HTR3B: variants seen among roughly 807,000 people sequenced by gnomAD.
HTR3B encodes 5-hydroxytryptamine receptor 3B.
In HTR3B, 44 loss-of-function variants were observed where a neutral mutation model predicts 42.8. The observed-to-expected ratio is 1.03, with a 90% confidence interval of 0.81 to 1.32. The LOEUF is 1.32. Among genes scored for constraint, HTR3B ranks in the 40% most tolerant of loss-of-function variants. HTR3B has a pLI of 0.00. For synonymous variants in HTR3B, 203 were observed against 209.0 expected (o/e 0.97, Z 0.25); for missense variants, 527 against 536.5 (o/e 0.98, Z 0.17).
intron 7 of HTR3B, among the ~76,000 whole-genome samples, chr11:113,943,668 A>G (rs1015455698): frequency 2.0e-5 from 3 of 151,804 alleles, no homozygotes; most frequent in Non-Finnish European, 4.4e-5. Context: ...ATTTCAACCA[A>G]TTACCCAAAG....
intron 6 of HTR3B, 96 bp from the exon 7 acceptor site, chr11:113,942,886 T>C (rs906521145): frequency 1.3e-5 from 12 of 959,966 alleles, no homozygotes; most frequent in Admixed American, 4.0e-5. Flanking sequence ...TGCAAAAACG[T>C]TGGGTCTTCG....
chr11:113,900,695 G>A (rs1232907349), upstream of HTR3B, among the ~76,000 whole-genome samples: 1 of 152,096 alleles, frequency 6.6e-6, no homozygotes, highest in Non-Finnish European at 1.5e-5. Context: ...GTTTCACCAT[G>A]TTGGTCAGGC....
chr11:113,904,865 A>G lies in HTR3B; in HGVS notation c.-69A>G. ...GAACAGAGTGGAGAGGAACCCTGTT[A>G]GGAGAAATTGAGCGGCATTCCATCT... On this transcript the variant is annotated 5_prime_UTR_variant, in exon 1 of 9. Transcript: ENST00000260191. The G allele has an allele frequency of 8.3e-7, 1 of 1,204,858 alleles. No homozygotes were observed. The highest frequency in any genetic ancestry group is 1.2e-5 in the South Asian group (1 of 82,468). 74.6% of individuals were successfully genotyped at this position (1,204,858 alleles called of 1,614,324 possible). A position where few individuals can be genotyped will look rare whatever the true frequency, so the allele number is the denominator to read the frequency against.
Position 113,909,417 on chromosome 11 carries a change from GTC to G in HTR3B, c.177_178del (p.Tyr60ProfsTer30), listed in dbSNP as rs1949761519. 8 of 1,614,018 alleles carry G rather than the reference GTC, an allele frequency of 5.0e-6. No homozygotes were observed. The highest frequency in any genetic ancestry group is 6.8e-6 in the Non-Finnish European group (8 of 1,180,014). On this transcript the variant is annotated frameshift_variant, in exon 2 of 9. Transcript: ENST00000260191. LOFTEE classifies it high-confidence loss of function. ...TTACAACTGGACCAAGGCCACCACA[GTC>G]TACCTGGACCTGTTCGTCCATGCTA... ...PVYNWTKATT[V>X]YLDLFVHAIL...
At chr11:113,929,000 C>T (rs1454896545) in intron 2 of HTR3B, among the ~76,000 whole-genome samples, 1 of 152,104 alleles carries the variant, frequency 6.6e-6, no homozygotes, top group African/African-American at 2.4e-5. Context: ...CTGTCCAAGC[C>T]CCTGCTTTCA....
At chr11:113,945,454 C>G (rs1166594635) in intron 8 of HTR3B, among the ~76,000 whole-genome samples, 4 of 152,128 alleles carry the variant, frequency 2.6e-5, no homozygotes, top group Non-Finnish European at 5.9e-5. Context: ...TGTTTTTATC[C>G]CCAATTTTAA....
chr11:113,917,914 G>A (rs144747863), intron 2 of HTR3B, among the ~76,000 whole-genome samples: 21 of 152,176 alleles, frequency 1.4e-4, no homozygotes, highest in South Asian at 8.3e-4. Context: ...ATATGTCTTC[G>A]TAATGAACAG....
intron 6 of HTR3B, among the ~76,000 whole-genome samples, chr11:113,934,637 A>T (rs914187211): frequency 1.2e-4 from 18 of 152,026 alleles, no homozygotes; most frequent in African/African-American, 3.9e-4. Context: ...ATCGCAACTC[A>T]TACCCTCCTG....
At chr11:113,905,255 T>C (rs1462053554) in intron 1 of HTR3B, among the ~76,000 whole-genome samples, 3 of 152,228 alleles carry the variant, frequency 2.0e-5, no homozygotes, top group African/African-American at 7.2e-5. Context: ...AATTGCTTGA[T>C]AAATCTCTGC....
At position 113,948,717 on chromosome 11, in the gene HTR3B, G is replaced by A. The variant is rs2137546714; in HGVS notation, c.*2580G>A. On this transcript the variant is annotated 3_prime_UTR_variant, in exon 9 of 9. Coordinates refer to ENST00000260191, the MANE Select transcript of HTR3B (RefSeq NM_006028.5). ...TGTCTCTACTAAAAATACAAAATTA[G>A]CCAGGCGTGGTGGCACATGCCTGTA... Among the ~76,000 whole-genome samples, 1 of 152,240 alleles carries A rather than the reference G, an allele frequency of 6.6e-6. No individual in the cohort carries two copies. The highest frequency in any genetic ancestry group is 2.1e-4 in the South Asian group (1 of 4,822).
Position 113,946,125 on chromosome 11 carries a change from G to C in HTR3B, c.1314G>C (p.Trp438Cys), listed in dbSNP as rs1471419153. 2 of 1,612,570 alleles carry C rather than the reference G, an allele frequency of 1.2e-6. No homozygotes were observed. The highest frequency in any genetic ancestry group is 1.1e-5 in the South Asian group (1 of 91,044). ...TITLCSLWALWGGV is the reference protein window; with the variant it reads ...TITLCSLWALCGGV Reference sequence around the variant, plus strand: ...CTCTGTGCTCCCTCTGGGCACTGTGGGGCGGCGTGTGAAGACTGAAGTGTT... The same window carrying C: ...CTCTGTGCTCCCTCTGGGCACTGTGCGGCGGCGTGTGAAGACTGAAGTGTT... Residue 438 changes from tryptophan to cysteine, a missense_variant, in exon 9 of 9, where the codon TGG (tryptophan) becomes TGC (cysteine). Trp to Cys is a radical substitution (Grantham distance 215). Transcript: ENST00000260191.
intron 2 of HTR3B, among the ~76,000 whole-genome samples, chr11:113,927,784 C>T (rs572413665): frequency 1.3e-5 from 2 of 152,180 alleles, no homozygotes; most frequent in Non-Finnish European, 2.9e-5. Flanking sequence ...TCTTGAACTC[C>T]TGACATCAGT....
upstream of HTR3B, among the ~76,000 whole-genome samples, chr11:113,902,274 G>C (rs190480706): frequency 6.2e-4 from 95 of 152,160 alleles, no homozygotes; most frequent in Middle Eastern, 3.4e-3. Flanking sequence ...TGATCAACAT[G>C]ATGTGCCCTG....
At chr11:113,934,061 T>G (rs1177364649) in intron 6 of HTR3B, among the ~76,000 whole-genome samples, 1 of 152,194 alleles carries the variant, frequency 6.6e-6, no homozygotes, top group Non-Finnish European at 1.5e-5. Flanking sequence ...GGTGCTCTGG[T>G]ACAATGGATA....
chr11:113,899,094 C>A, the HTR3B span, among the ~76,000 whole-genome samples: 1 of 152,146 alleles, frequency 6.6e-6, no homozygotes, highest in South Asian at 2.1e-4. Context: ...GTAAGTCTGA[C>A]TTGAAGGCCT....
At chr11:113,903,222 C>A (rs542207124), upstream of HTR3B, among the ~76,000 whole-genome samples, 1 of 152,136 alleles carries the variant, frequency 6.6e-6, no homozygotes, top group Admixed American at 6.5e-5. Flanking sequence ...CACAGTATGC[C>A]ACTGTCTCAT....
In HTR3B at chr11:113,909,219, C is replaced by A. The variant is rs1164081010; in HGVS notation, c.53-76C>A. On this transcript the variant is annotated intron_variant, in intron 1 of 8. Transcript: ENST00000260191. Reference sequence around the variant, plus strand: ...TATATTCTAGTAAAAGCCACCGAGTCCTGAACAGTCTGAAACCTCCTAAAG... The same window carrying A: ...TATATTCTAGTAAAAGCCACCGAGTACTGAACAGTCTGAAACCTCCTAAAG... 4 of 1,155,932 alleles carry A rather than the reference C, an allele frequency of 3.5e-6. No individual in the cohort carries two copies. The South Asian group carries it at 3.7e-5, about 11-fold the overall frequency. 71.6% of individuals were successfully genotyped at this position (1,155,932 alleles called of 1,614,324 possible).
At chr11:113,900,207 G>A (rs954075618), upstream of HTR3B, among the ~76,000 whole-genome samples, 4 of 150,996 alleles carry the variant, frequency 2.6e-5, no homozygotes, top group South Asian at 2.1e-4. Context: ...GCAGTGAGCC[G>A]AGATCACACC....
At chr11:113,910,731 C>T (rs1300100535) in intron 2 of HTR3B, among the ~76,000 whole-genome samples, 1 of 151,928 alleles carries the variant, frequency 6.6e-6, no homozygotes, top group Non-Finnish European at 1.5e-5. Context: ...TGAGCCACCA[C>T]ACCCGGCAAT....
Sources: gnomAD v4.1 joint callset for allele counts (sites outside exome capture counted in the v4.1 genomes callset) on GRCh38, gnomAD v4.1.1 for gene constraint, MANE v1.5 for transcripts, NCBI Gene and HGNC (gene_info 2026-07-23, HGNC 2026-07-21) for gene names.